EPHB1: variants seen among roughly 807,000 people sequenced by gnomAD.
EPHB1 encodes the protein ephrin type-B receptor 1.
In EPHB1, 30 loss-of-function variants were observed where a neutral mutation model predicts 94.4. The observed-to-expected ratio is 0.32, with a 90% CI of 0.24 to 0.43. The LOEUF is 0.43. Among genes scored for constraint, EPHB1 ranks in the 20% least tolerant of loss-of-function variants. The pLI, the probability that EPHB1 is intolerant of heterozygous loss-of-function variation, is 1.00. For missense variants in EPHB1, 1,055 were observed against 1,308.3 expected (o/e 0.81, Z 2.99); for synonymous variants, 522 against 489.1 (o/e 1.07, Z -0.89).
At chr3:135,197,865 C>A (rs1251575163) in intron 11 of EPHB1, among the ~76,000 whole-genome samples, 2 of 151,608 alleles carry the variant, frequency 1.3e-5, no homozygotes, top group African/African-American at 2.4e-5. Flanking sequence ...CTGTTCATAT[C>A]TCTGGAAGTT....
At chr3:135,101,458 C>T (rs1487672343) in intron 3 of EPHB1, among the ~76,000 whole-genome samples, 4 of 152,118 alleles carry the variant, frequency 2.6e-5, no homozygotes, top group African/African-American at 7.2e-5. Flanking sequence ...ACTGCAACCT[C>T]TGCGTCCTGG....
intron 3 of EPHB1, among the ~76,000 whole-genome samples, chr3:135,104,378 G>A (rs555785374): frequency 9.8e-5 from 15 of 152,328 alleles, no homozygotes; most frequent in South Asian, 6.2e-4. Flanking sequence ...GCCATTCAGA[G>A]CTTCTCCCTT....
chr3:135,229,710 C>A (rs1943488151), intron 12 of EPHB1, among the ~76,000 whole-genome samples: 1 of 152,160 alleles, frequency 6.6e-6, no homozygotes, highest in Admixed American at 6.5e-5. Context: ...TCTGAGAGCC[C>A]CAACCTTCTC....
intron 11 of EPHB1, among the ~76,000 whole-genome samples, chr3:135,197,100 A>AG (rs2107711576): frequency 6.8e-6 from 1 of 147,610 alleles, no homozygotes; most frequent in South Asian, 2.3e-4. Flanking sequence ...CTCCAGAAAA[A>AG]GGAAAAAAAA....
chr3:135,253,359 G>C (rs1223470915), intron 15 of EPHB1, among the ~76,000 whole-genome samples: 3 of 149,438 alleles, frequency 2.0e-5, no homozygotes, highest in East Asian at 3.9e-4. Context: ...TAACATTTAA[G>C]TCTTTAATCC....
At chr3:134,866,612 G>C (rs2108305923) in intron 1 of EPHB1, among the ~76,000 whole-genome samples, 2 of 152,372 alleles carry the variant, frequency 1.3e-5, no homozygotes, top group South Asian at 4.1e-4. Flanking sequence ...CAAAGCCCTT[G>C]CTGATGTCTT....
At position 134,957,990 on chromosome 3, in the gene EPHB1, G is replaced by C. The variant is rs570973824; in HGVS notation, c.805+5938G>C. ...ATTTGGTGTCTCTCTGCAAGTTATG[G>C]CTGGTGATCCCACCAGCACTGCCTT... is the stretch of plus-strand genomic sequence containing the variant. On this transcript the variant is annotated intron_variant, in intron 3 of 15. Coordinates refer to ENST00000398015, the MANE Select transcript of EPHB1 (RefSeq NM_004441.5). Among the ~76,000 whole-genome samples the C allele has an allele frequency of 3.9e-3, 593 of 152,266 alleles. 4 individuals carry two copies. Among genetic ancestry groups the C allele is most frequent in the Non-Finnish European group, 6.5e-3 (443 of 68,010 alleles).
At chr3:135,081,413 C>A (rs1938159409) in intron 3 of EPHB1, among the ~76,000 whole-genome samples, 1 of 152,152 alleles carries the variant, frequency 6.6e-6, no homozygotes, top group Non-Finnish European at 1.5e-5. Context: ...GATGGAGAGA[C>A]AAAGGTTAGC....
chr3:135,226,923 A>G (rs1943417629), intron 12 of EPHB1, among the ~76,000 whole-genome samples: 1 of 152,210 alleles, frequency 6.6e-6, no homozygotes, highest in Admixed American at 6.5e-5. Context: ...AGGAAAGGAA[A>G]ACCAAATACC....
chr3:134,845,959 T>C (rs1248630696), intron 1 of EPHB1, among the ~76,000 whole-genome samples: 2 of 147,556 alleles, frequency 1.4e-5, no homozygotes, highest in Non-Finnish European at 1.5e-5. Context: ...GAGGTGGAGG[T>C]TTTTTGTGCC....
intron 3 of EPHB1, among the ~76,000 whole-genome samples, chr3:134,992,830 A>AT (rs1233504838): frequency 4.6e-5 from 7 of 152,086 alleles, no homozygotes; most frequent in African/African-American, 1.4e-4. Flanking sequence ...CCACTTCCTT[A>AT]TTGCTGTATT....
chr3:135,099,010 C>T (rs1938922972), intron 3 of EPHB1, among the ~76,000 whole-genome samples: 1 of 86,290 alleles, frequency 1.2e-5, no homozygotes, highest in African/African-American at 4.6e-5. Context: ...GAGACCCTGC[C>T]TCAAAAAAAA....
At chr3:135,037,711 A>C (rs1165723697) in intron 3 of EPHB1, among the ~76,000 whole-genome samples, 2 of 152,214 alleles carry the variant, frequency 1.3e-5, no homozygotes, top group Non-Finnish European at 2.9e-5. Flanking sequence ...TTTGGATAAA[A>C]GTCTTATTAC....
intron 3 of EPHB1, among the ~76,000 whole-genome samples, chr3:135,076,234 G>GATGTATATATATATAT (rs1937907485): frequency 7.6e-6 from 1 of 131,172 alleles, no homozygotes; most frequent in Non-Finnish European, 1.5e-5. Context: ...TCTGAAAAGG[G>GATGTATATATATATAT]ATATATATAT....
intron 1 of EPHB1, among the ~76,000 whole-genome samples, chr3:134,820,846 A>G (rs2036366606): frequency 6.6e-6 from 1 of 152,208 alleles, no homozygotes; most frequent in Non-Finnish European, 1.5e-5. Context: ...AAGGGTTTGT[A>G]TTAGTCAGAG....
In EPHB1 at chr3:134,951,611, G is replaced by A. The variant is rs994098093; in HGVS notation, c.364G>A (p.Ala122Thr). The A allele has an allele frequency of 3.1e-6, 5 of 1,613,930 alleles. No homozygotes were observed. The African/African-American group carries it at 6.7e-5, about 22-fold the overall frequency. The change falls in exon 3 of 16, where the codon GCC becomes ACC. Residue 122 changes from alanine (A) to threonine (T), a missense_variant. Ala to Thr is a moderately conservative substitution (Grantham distance 58, BLOSUM62 0). Coordinates refer to ENST00000398015, the MANE Select transcript of EPHB1 (RefSeq NM_004441.5). The surrounding 1 kb of genome is among the most constrained non-coding windows in gnomAD (Gnocchi z 4.5). ...TTACTATGAGACTGACTCTGTCATT[G>A]CCACCAAGAAGTCAGCCTTCTGGTC... ...LYYYETDSVI[A>T]TKKSAFWSEA...
chr3:134,911,351 G>A (rs1010659288), intron 1 of EPHB1, among the ~76,000 whole-genome samples: 2 of 142,170 alleles, frequency 1.4e-5, no homozygotes, highest in Non-Finnish European at 3.0e-5. Context: ...GGCTGTTTGT[G>A]CAAGGTGGGC....
At chr3:135,004,382 G>A (rs567336752) in intron 3 of EPHB1, among the ~76,000 whole-genome samples, 5 of 152,010 alleles carry the variant, frequency 3.3e-5, no homozygotes, top group African/African-American at 4.8e-5. Flanking sequence ...CTCTCTGGCT[G>A]CCCTTAACAT....
At chr3:135,216,039 C>T (rs1243407103) in intron 12 of EPHB1, among the ~76,000 whole-genome samples, 1 of 152,240 alleles carries the variant, frequency 6.6e-6, no homozygotes, top group Non-Finnish European at 1.5e-5. Context: ...CTTAGAACTT[C>T]TCCTTCTCCA....
Sources: allele counts gnomAD v4.1 joint callset (sites outside exome capture counted in the v4.1 genomes callset), GRCh38; gene constraint gnomAD v4.1.1; non-coding constraint Gnocchi (gnomAD v3.1); transcripts MANE v1.5; gene names NCBI Gene and HGNC (gene_info 2026-07-23, HGNC 2026-07-21).